SUGCT: variants seen among roughly 807,000 people sequenced by gnomAD.
The protein encoded by SUGCT is succinyl-CoA:glutarate-CoA transferase, also known as succinyl-CoA:glutarate CoA-transferase.
A neutral mutation model predicts 55.0 loss-of-function variants in SUGCT; 41 were observed. The ratio of observed to expected loss-of-function variants is 0.74; its 90% CI spans 0.58 to 0.97. The LOEUF (loss-of-function observed/expected upper bound fraction) is 0.97, where lower values mean the gene tolerates loss of function less well. Ranked by LOEUF, SUGCT falls within the 50% of genes least tolerant of loss-of-function variation. The pLI, the probability that SUGCT is intolerant of heterozygous loss-of-function variation, is 0.00. For missense variants in SUGCT, 568 were observed against 547.8 expected, an observed-to-expected ratio of 1.04 and a Z score of -0.37; for synonymous variants, 187 against 200.4, an observed-to-expected ratio of 0.93 and a Z score of 0.56.
the SUGCT span, among the ~76,000 whole-genome samples, chr7:40,948,650 T>C: frequency 6.6e-6 from 1 of 150,402 alleles, no homozygotes; most frequent in South Asian, 2.1e-4. Flanking sequence ...TTCCCCTGTC[T>C]TTGCCCATAT....
intron 1 of SUGCT, among the ~76,000 whole-genome samples, chr7:40,149,135 A>G (rs1788417486): frequency 6.6e-6 from 1 of 152,168 alleles, no homozygotes; most frequent in South Asian, 2.1e-4. Context: ...TTGAGTCCCA[A>G]CACAGTCCAT....
intron 12 of SUGCT, among the ~76,000 whole-genome samples, chr7:40,539,919 T>C (rs1794582514): frequency 6.6e-6 from 1 of 152,218 alleles, no homozygotes; most frequent in African/African-American, 2.4e-5. Flanking sequence ...TGCATTCACA[T>C]TTATAATCAC....
chr7:40,937,776 G>C, the SUGCT span, among the ~76,000 whole-genome samples: 16 of 151,800 alleles, frequency 1.1e-4, no homozygotes, highest in Non-Finnish European at 2.1e-4. Flanking sequence ...TTTACTTTTA[G>C]CCTATTTTTG....
At chr7:40,421,314 G>A (rs752753124) in intron 9 of SUGCT, among the ~76,000 whole-genome samples, 7 of 152,004 alleles carry the variant, frequency 4.6e-5, no homozygotes, top group Non-Finnish European at 7.4e-5. Flanking sequence ...CAAGTTCCTG[G>A]AGATCTGTTG....
chr7:40,210,190 C>A (rs1787252686), intron 6 of SUGCT, among the ~76,000 whole-genome samples: 1 of 152,006 alleles, frequency 6.6e-6, no homozygotes, highest in Admixed American at 6.6e-5. Context: ...GGATTACAGG[C>A]ATGTGCCACC....
chr7:40,154,066 G>A (rs572527202), intron 1 of SUGCT: 78 of 249,552 alleles, frequency 3.1e-4, no homozygotes, highest in African/African-American at 1.7e-3. Context: ...GTGAACATTG[G>A]GGGTCTTTGT....
chr7:40,503,728 G>C (rs528727396), intron 12 of SUGCT, among the ~76,000 whole-genome samples: 1 of 152,220 alleles, frequency 6.6e-6, no homozygotes, highest in East Asian at 1.9e-4. Flanking sequence ...AAATCAGTTA[G>C]ATTTTAAGAA....
intron 1 of SUGCT, among the ~76,000 whole-genome samples, chr7:40,142,723 G>A (rs1192435292): frequency 6.6e-6 from 1 of 152,150 alleles, no homozygotes; most frequent in African/African-American, 2.4e-5. Context: ...CTTCCATCAG[G>A]GACAGTGTTG....
intron 4 of SUGCT, 146 bp from the exon 5 acceptor site, chr7:40,189,398 C>CTTTT (rs771275549): frequency 1.2e-4 from 18 of 145,500 alleles, no homozygotes; most frequent in Non-Finnish European, 2.2e-4. Flanking sequence ...AATACACATA[C>CTTTT]TTTTTTTTTT....
intron 13 of SUGCT, among the ~76,000 whole-genome samples, chr7:40,802,197 C>T (rs144512943): frequency 6.6e-6 from 1 of 152,074 alleles, no homozygotes; most frequent in African/African-American, 2.4e-5. Context: ...ACAAACTAGA[C>T]CAGACAAATG....
At chr7:40,838,552 T>C (rs564979459) in intron 13 of SUGCT, among the ~76,000 whole-genome samples, 1 of 152,354 alleles carries the variant, frequency 6.6e-6, no homozygotes, top group African/African-American at 2.4e-5. Context: ...GTTTCCACAT[T>C]TTCCTTATTA....
intron 12 of SUGCT, among the ~76,000 whole-genome samples, chr7:40,703,533 CTGAAAAG>C (rs1164986190): frequency 4.6e-5 from 7 of 152,104 alleles, no homozygotes; most frequent in Non-Finnish European, 1.5e-5. Context: ...AGTAGTTTTG[CTGAAAAG>C]TGATAAACTC....
chr7:40,680,937 A>G (rs1466900155), intron 12 of SUGCT, among the ~76,000 whole-genome samples: 3 of 152,182 alleles, frequency 2.0e-5, no homozygotes, highest in Non-Finnish European at 4.4e-5. Context: ...AACCTGAACA[A>G]AATTGTAAGT....
intron 12 of SUGCT, among the ~76,000 whole-genome samples, chr7:40,572,380 T>G (rs771908312): frequency 9.9e-5 from 15 of 152,046 alleles, no homozygotes; most frequent in Non-Finnish European, 2.9e-5. Context: ...CTAGAAATAT[T>G]TTGGTATCAC....
intron 11 of SUGCT, among the ~76,000 whole-genome samples, chr7:40,488,229 T>TC (rs1240789866): frequency 6.6e-6 from 1 of 152,102 alleles, no homozygotes; most frequent in African/African-American, 2.4e-5. Flanking sequence ...GTGTATTTTT[T>TC]CTTTGTGAAT....
At chr7:40,215,990 T>G (rs916333305) in intron 6 of SUGCT, among the ~76,000 whole-genome samples, 1 of 152,156 alleles carries the variant, frequency 6.6e-6, no homozygotes, top group East Asian at 1.9e-4. Flanking sequence ...TAGAGGTAGA[T>G]GAATATATCC....
At chr7:40,248,222 G>C (rs1790045160) in intron 7 of SUGCT, among the ~76,000 whole-genome samples, 1 of 151,970 alleles carries the variant, frequency 6.6e-6, no homozygotes, top group Non-Finnish European at 1.5e-5. Flanking sequence ...TGTTGGTCAG[G>C]CTGGTCTCAA....
chr7:40,574,334 ATAACT>A, intron 12 of SUGCT, among the ~76,000 whole-genome samples: 1 of 152,170 alleles, frequency 6.6e-6, no homozygotes, highest in Non-Finnish European at 1.5e-5. Context: ...AAACCCCTAC[ATAACT>A]TAAGACTGTT....
At chr7:40,889,255 G>A in the SUGCT span, among the ~76,000 whole-genome samples, 6 of 152,170 alleles carry the variant, frequency 3.9e-5, no homozygotes, top group Admixed American at 2.6e-4. Flanking sequence ...AAGTACGGGG[G>A]ATCAGTCTGT....
Sources: allele counts gnomAD v4.1 joint callset (sites outside exome capture counted in the v4.1 genomes callset), GRCh38; gene constraint gnomAD v4.1.1; transcripts MANE v1.5; gene names NCBI Gene and HGNC (gene_info 2026-07-23, HGNC 2026-07-21).